The following HSD17B6 variants were observed in gnomAD, a reference collection of about 807,000 sequenced individuals.
HSD17B6 encodes the protein 17-beta-hydroxysteroid dehydrogenase type 6.
A neutral mutation model predicts 26.4 loss-of-function variants in HSD17B6; 16 were observed. The observed-to-expected ratio is 0.61, with a 90% CI of 0.41 to 0.92. The LOEUF (loss-of-function observed/expected upper bound fraction) is 0.92, where lower values mean the gene tolerates loss of function less well. Among genes scored for constraint, HSD17B6 ranks in the 40% least tolerant of loss-of-function variants. The pLI, the probability that HSD17B6 is intolerant of heterozygous loss-of-function variation, is 0.00. For missense variants in HSD17B6, 357 were observed against 386.1 expected (o/e 0.92, Z 0.63); for synonymous variants, 139 against 153.0 (o/e 0.91, Z 0.68).
chr12:56,773,783 A>G lies in HSD17B6; in HGVS notation c.-19-51A>G, dbSNP rs1471912296. 6 of 1,465,984 alleles carry G rather than the reference A, an allele frequency of 4.1e-6. No homozygotes were observed. The African/African-American group carries it at 5.7e-5, about 14-fold the overall frequency. 90.8% of individuals were successfully genotyped at this position (1,465,984 alleles called of 1,614,324 possible). A position where few individuals can be genotyped will look rare whatever the true frequency, so the allele number is the denominator to read the frequency against. ...GGCACATGGCAAATACTGAATAGAT[A>G]TATTGGTTAAATAATAAGGAAGGAA... On this transcript the variant is annotated intron_variant, in intron 1 of 4. Coordinates refer to ENST00000322165, the MANE Select transcript of HSD17B6 (RefSeq NM_003725.4).
intron 1 of HSD17B6, among the ~76,000 whole-genome samples, chr12:56,773,488 A>G (rs1954520720): frequency 6.6e-6 from 1 of 152,178 alleles, no homozygotes; most frequent in Non-Finnish European, 1.5e-5. Context: ...TCATGTACAC[A>G]TTGTTACTGC....
At chr12:56,781,840 C>A (rs989450628) in intron 2 of HSD17B6, 134 bp from the exon 3 acceptor site, 1 of 892,990 alleles carries the variant, frequency 1.1e-6, no homozygotes. Flanking sequence ...TATGTTATAT[C>A]ATTTGGGCTG....
chr12:56,784,767 T>A, intron 3 of HSD17B6, 86 bp from the exon 4 acceptor site: 1 of 1,332,860 alleles, frequency 7.5e-7, no homozygotes, highest in Non-Finnish European at 1.0e-6. Flanking sequence ...AAAGGTATTT[T>A]ATAATCTTTT....
chr12:56,775,673 T>G (rs1195933091), intron 2 of HSD17B6, among the ~76,000 whole-genome samples: 1 of 152,166 alleles, frequency 6.6e-6, no homozygotes, highest in Non-Finnish European at 1.5e-5. Context: ...TTGTTACAAT[T>G]GATGAACCAA....
chr12:56,772,361 G>C (rs757643456), intron 1 of HSD17B6, among the ~76,000 whole-genome samples: 4 of 152,158 alleles, frequency 2.6e-5, no homozygotes, highest in Non-Finnish European at 5.9e-5. Context: ...TTGAATTAAT[G>C]TTTGCTGAAT....
chr12:56,767,867 GTATATATACACGTA>G (rs1954378206), intron 1 of HSD17B6, among the ~76,000 whole-genome samples: 1 of 147,812 alleles, frequency 6.8e-6, no homozygotes, highest in Non-Finnish European at 1.5e-5. Flanking sequence ...GTGTATACGT[GTATATATACACGTA>G]TATACACATA....
intron 3 of HSD17B6, among the ~76,000 whole-genome samples, chr12:56,782,761 A>C (rs1291330742): frequency 6.6e-6 from 1 of 151,982 alleles, no homozygotes; most frequent in Non-Finnish European, 1.5e-5. Flanking sequence ...TCAGCAGACA[A>C]ACAAGTGAAC....
intron 1 of HSD17B6, among the ~76,000 whole-genome samples, chr12:56,767,890 T>C (rs975124896): frequency 6.7e-6 from 1 of 148,686 alleles, no homozygotes; most frequent in African/African-American, 2.5e-5. Flanking sequence ...TATATACACA[T>C]ATATATACAA....
At chr12:56,777,866 A>C (rs1349810950) in intron 2 of HSD17B6, among the ~76,000 whole-genome samples, 1 of 152,204 alleles carries the variant, frequency 6.6e-6, no homozygotes. Flanking sequence ...AATTTAAAAA[A>C]ATAATAAAAT....
chr12:56,764,550 G>A (rs377028506), intron 1 of HSD17B6, among the ~76,000 whole-genome samples: 11 of 152,278 alleles, frequency 7.2e-5, no homozygotes, highest in East Asian at 5.8e-4. Flanking sequence ...AAAGCTCAGG[G>A]GAAGAGACAG....
intron 2 of HSD17B6, among the ~76,000 whole-genome samples, chr12:56,776,246 C>G (rs1954589838): frequency 6.7e-6 from 1 of 149,348 alleles, no homozygotes; most frequent in South Asian, 2.1e-4. Flanking sequence ...TATATGTAGT[C>G]TTTTAGACTG....
chr12:56,767,982 A>G (rs999068464), intron 1 of HSD17B6, among the ~76,000 whole-genome samples: 16 of 150,538 alleles, frequency 1.1e-4, no homozygotes, highest in African/African-American at 3.4e-4. Context: ...TATATTGTGT[A>G]TATATATATA....
chr12:56,782,558 A>C (rs1441242573), intron 3 of HSD17B6, among the ~76,000 whole-genome samples: 2 of 152,022 alleles, frequency 1.3e-5, no homozygotes, highest in Non-Finnish European at 2.9e-5. Context: ...TTGTGTGATC[A>C]TCATGGTTCA....
chr12:56,784,620 G>C (rs563922287), intron 3 of HSD17B6, among the ~76,000 whole-genome samples: 2 of 152,300 alleles, frequency 1.3e-5, no homozygotes, highest in East Asian at 3.9e-4. Flanking sequence ...GAGCCGAGAT[G>C]GCAGCAGTAC....
chr12:56,767,720 CA>C, intron 1 of HSD17B6, among the ~76,000 whole-genome samples: 1 of 141,508 alleles, frequency 7.1e-6, no homozygotes. Context: ...CATATATACA[CA>C]CATATATAAT....
rs377658371 is a variant in HSD17B6 at position 56,774,006 on chromosome 12, C to T, written c.154C>T (p.Arg52Ter). The change falls in exon 2 of 5, where the codon CGA becomes TGA. Residue 52 changes from arginine (R) to a stop codon, truncating the protein, a stop_gained. Transcript: ENST00000322165. LOFTEE classifies it high-confidence loss of function. ...GNLLARQLDA[R>*]GLRVLAACLT... ...CCTGCTGGCCAGACAGCTGGATGCA[C>T]GAGGCTTGAGAGTGCTGGCTGCGTG... The T allele has an allele frequency of 1.3e-5, 21 of 1,613,904 alleles. No individual in the cohort carries two copies. In the African/African-American group the frequency reaches 1.3e-4, roughly 10 times the overall value.
intron 2 of HSD17B6, among the ~76,000 whole-genome samples, chr12:56,777,784 G>A (rs1188551872): frequency 6.6e-6 from 1 of 152,148 alleles, no homozygotes; most frequent in African/African-American, 2.4e-5. Flanking sequence ...CACTTTGGGA[G>A]GCCGGGGTGG....
In HSD17B6 at chr12:56,784,179, C is replaced by T. The variant is rs1954818932; in HGVS notation, c.573-674C>T. Among the ~76,000 whole-genome samples, 3 of 151,756 alleles carry T rather than the reference C, an allele frequency of 2.0e-5. No homozygotes were observed. In the South Asian group the frequency reaches 6.3e-4, roughly 32 times the overall value. Reference sequence around the variant, plus strand: ...GGGATGGCGGCTGGGCAGAGACGCTCCTCACTTTCCAGACTGGGCAGCCAG... The same window carrying T: ...GGGATGGCGGCTGGGCAGAGACGCTTCTCACTTTCCAGACTGGGCAGCCAG... On this transcript the variant is annotated intron_variant, in intron 3 of 4. Coordinates refer to ENST00000322165, the MANE Select transcript of HSD17B6 (RefSeq NM_003725.4).
chr12:56,774,212 GGT>G, intron 2 of HSD17B6, 47 bp downstream of exon 2: 2 of 1,495,630 alleles, frequency 1.3e-6, no homozygotes, highest in African/African-American at 1.4e-5. Flanking sequence ...AAGATGCTAA[GGT>G]TATATATACA....
Sources: allele counts gnomAD v4.1 joint callset (sites outside exome capture counted in the v4.1 genomes callset), GRCh38; gene constraint gnomAD v4.1.1; transcripts MANE v1.5; gene names NCBI Gene and HGNC (gene_info 2026-07-23, HGNC 2026-07-21).